The following COL19A1 variants were observed in gnomAD, a reference collection of about 807,000 sequenced individuals.
COL19A1 encodes collagen alpha-1(XIX) chain.
A neutral mutation model predicts 190.2 loss-of-function variants in COL19A1; 159 were observed. That is an observed-to-expected ratio of 0.84 (90% CI 0.73 to 0.95). The LOEUF is 0.95. Ranked by LOEUF, COL19A1 falls within the 40% of genes least tolerant of loss-of-function variation. The pLI is 0.00. For missense variants in COL19A1, 1,418 were observed against 1,431.9 expected, an observed-to-expected ratio of 0.99 and a Z score of 0.16; for synonymous variants, 509 against 458.9, an observed-to-expected ratio of 1.11 and a Z score of -1.39.
In COL19A1 at chr6:70,150,027, A is replaced by G. The variant is rs767566325; in HGVS notation, c.2019A>G (p.Pro673=). Residue 673 remains proline (P), a synonymous_variant, in exon 30 of 51, where the codon CCA becomes CCG. Transcript: ENST00000620364. ...VPGRDGKPGL[P]GPPGDPIALP... ...GGAGAGATGGAAAGCCAGGCCTGCCAGGCCCCCCAGGTGACCCGGTATGTA... is the reference window on the plus strand; with the variant it reads ...GGAGAGATGGAAAGCCAGGCCTGCCGGGCCCCCCAGGTGACCCGGTATGTA... The G allele has an allele frequency of 4.7e-5, 76 of 1,613,644 alleles. 1 individual carries two copies. The South Asian group carries it at 8.1e-4, about 17-fold the overall frequency.
chr6:69,962,599 T>G (rs1305086789), intron 10 of COL19A1, among the ~76,000 whole-genome samples: 1 of 152,218 alleles, frequency 6.6e-6, no homozygotes, highest in Non-Finnish European at 1.5e-5. Flanking sequence ...AAGATTAAAT[T>G]GCCTTGGAAG....
intron 19 of COL19A1, among the ~76,000 whole-genome samples, chr6:70,140,153 GA>G (rs992215988): frequency 5.9e-5 from 9 of 151,950 alleles, no homozygotes; most frequent in Admixed American, 4.6e-4. Flanking sequence ...ATCTGTGGGG[GA>G]TGGGTTCCAG....
intron 9 of COL19A1, among the ~76,000 whole-genome samples, chr6:69,955,576 A>G (rs1774371832): frequency 6.6e-6 from 1 of 151,010 alleles, no homozygotes; most frequent in African/African-American, 2.4e-5. Flanking sequence ...TAAGAGAGAG[A>G]AAGAGAGAGA....
At chr6:70,024,622 TGG>T (rs879750738) in intron 12 of COL19A1, among the ~76,000 whole-genome samples, 3,339 of 135,646 alleles carry the variant, frequency 0.025, 74 homozygotes, top group Admixed American at 0.076. Flanking sequence ...TGTGGGTGTG[TGG>T]GTGTGTGTGT....
Position 69,936,830 on chromosome 6 carries a change from ACTGCT to A in COL19A1, c.795_799del (p.Ala266CysfsTer3). ...TGGAAATATTGCATCATCATGGGTAACTGCTCATGCCAGTAAAATGTCTTCATATC... is the reference window on the plus strand; with the variant it reads ...TGGAAATATTGCATCATCATGGGTAACATGCCAGTAAAATGTCTTCATATC... On this transcript the variant is annotated frameshift_variant, in exon 8 of 51. Coordinates refer to ENST00000620364, the MANE Select transcript of COL19A1 (RefSeq NM_001858.6). LOFTEE classifies it high-confidence loss of function. 6.2e-7 allele frequency: 1 copy of A among 1,613,168 alleles called. No homozygotes were observed. The highest frequency in any genetic ancestry group is 1.3e-5 in the African/African-American group (1 of 74,982).
At chr6:70,145,826 T>A (rs1268686602) in intron 25 of COL19A1, among the ~76,000 whole-genome samples, 1 of 148,452 alleles carries the variant, frequency 6.7e-6, no homozygotes, top group Non-Finnish European at 1.5e-5. Context: ...ATTCAAGTGA[T>A]CCTCCCACCC....
At chr6:69,969,227 T>C (rs1322811238) in intron 11 of COL19A1, among the ~76,000 whole-genome samples, 5 of 152,226 alleles carry the variant, frequency 3.3e-5, no homozygotes, top group Non-Finnish European at 5.9e-5. Flanking sequence ...TTATTATATA[T>C]CTTTATTTGT....
chr6:69,960,788 G>A (rs1275181864), intron 10 of COL19A1, among the ~76,000 whole-genome samples: 1 of 151,870 alleles, frequency 6.6e-6, no homozygotes, highest in African/African-American at 2.4e-5. Flanking sequence ...CACCACAGCC[G>A]GCTAATTTTT....
intron 20 of COL19A1, among the ~76,000 whole-genome samples, chr6:70,141,543 C>T (rs925010775): frequency 1.3e-5 from 2 of 152,040 alleles, no homozygotes; most frequent in Admixed American, 6.6e-5. Flanking sequence ...TACTCTCCCT[C>T]ATTCTTTCTC....
At chr6:70,023,079 A>G (rs1778505901) in intron 11 of COL19A1, among the ~76,000 whole-genome samples, 1 of 151,776 alleles carries the variant, frequency 6.6e-6, no homozygotes, top group Non-Finnish European at 1.5e-5. Context: ...TTTGTTGCTT[A>G]TAGAAGAAAA....
Position 70,147,570 on chromosome 6 carries a change from G to A in COL19A1, c.1893+681G>A, listed in dbSNP as rs373509117. 3.9e-5 allele frequency among the ~76,000 whole-genome samples: 6 copies of A among 152,248 alleles called. No individual in the cohort carries two copies. The East Asian group carries it at 1.2e-3, about 29-fold the overall frequency. ...TTAATTTAGAAAATTGGTCTGTGTG[G>A]TGTAATACAAAAACAAACTAATTGT... is the stretch of plus-strand genomic sequence containing the variant. On this transcript the variant is annotated intron_variant, in intron 27 of 50. Transcript: ENST00000620364.
At chr6:69,934,796 A>G (rs1772996000) in intron 7 of COL19A1, among the ~76,000 whole-genome samples, 1 of 152,036 alleles carries the variant, frequency 6.6e-6, no homozygotes, top group Non-Finnish European at 1.5e-5. Flanking sequence ...AAAAATAGAA[A>G]CATACTACAT....
At chr6:70,171,785 A>G (rs1028804440) in intron 40 of COL19A1, among the ~76,000 whole-genome samples, 179 bp from the exon 41 acceptor site, 1 of 152,200 alleles carries the variant, frequency 6.6e-6, no homozygotes, top group South Asian at 2.1e-4. Context: ...TTCTCAAACT[A>G]TTTTCAAACA....
intron 49 of COL19A1, among the ~76,000 whole-genome samples, chr6:70,203,393 A>C (rs1767667125): frequency 6.6e-6 from 1 of 152,204 alleles, no homozygotes; most frequent in Admixed American, 6.5e-5. Flanking sequence ...GTTTGTAGGA[A>C]GCACTTGTGA....
At chr6:69,873,656 A>T (rs1279596107) in intron 1 of COL19A1, among the ~76,000 whole-genome samples, 1 of 152,210 alleles carries the variant, frequency 6.6e-6, no homozygotes, top group Non-Finnish European at 1.5e-5. Context: ...ATATTTAAAC[A>T]TATGGTATGC....
Position 69,980,895 on chromosome 6 carries a change from G to A in COL19A1, c.1026+18025G>A, listed in dbSNP as rs759619014. ...AAGGCATTCCCATACATTGCTGGTG[G>A]TAAGTGTAGAGCTACAGTCTCTTTT... On this transcript the variant is annotated intron_variant, in intron 11 of 50. Coordinates refer to ENST00000620364, the MANE Select transcript of COL19A1 (RefSeq NM_001858.6). 1.2e-4 allele frequency among the ~76,000 whole-genome samples: 18 copies of A among 152,196 alleles called. 1 individual carries two copies. The highest frequency in any genetic ancestry group is 9.2e-4 in the Admixed American group (14 of 15,272).
At chr6:70,203,789 T>G (rs554525739) in intron 49 of COL19A1, among the ~76,000 whole-genome samples, 2 of 152,238 alleles carry the variant, frequency 1.3e-5, no homozygotes, top group Non-Finnish European at 2.9e-5. Flanking sequence ...CTAGATGCTT[T>G]CAATTAGGAC....
chr6:69,925,239 A>G (rs1772282955), intron 4 of COL19A1, among the ~76,000 whole-genome samples: 2 of 152,130 alleles, frequency 1.3e-5, no homozygotes, highest in South Asian at 4.1e-4. Context: ...TAAGTCTTTA[A>G]TCCATCTTGA....
At chr6:69,909,721 A>G (rs984118317) in intron 4 of COL19A1, among the ~76,000 whole-genome samples, 18 of 152,168 alleles carry the variant, frequency 1.2e-4, no homozygotes, top group Non-Finnish European at 2.2e-4. Flanking sequence ...GCTCACAAAC[A>G]TTACATAAGC....
Sources: allele counts gnomAD v4.1 joint callset (sites outside exome capture counted in the v4.1 genomes callset), GRCh38; gene constraint gnomAD v4.1.1; transcripts MANE v1.5; gene names NCBI Gene and HGNC (gene_info 2026-07-23, HGNC 2026-07-21).